The following IL1RAPL1 variants were observed in gnomAD, a reference collection of about 807,000 sequenced individuals.
The protein encoded by IL1RAPL1 is interleukin-1 receptor accessory protein-like 1.
IL1RAPL1 carries 3 observed loss-of-function variants against 48.4 expected under a neutral mutation model. The ratio of observed to expected loss-of-function variants is 0.06; its 90% CI spans 0.03 to 0.16. The LOEUF is 0.16. Ranked by LOEUF, IL1RAPL1 falls within the 10% of genes least tolerant of loss-of-function variation. The pLI is 1.00. For synonymous variants in IL1RAPL1, 185 were observed against 187.7 expected (o/e 0.99, Z 0.12); for missense variants, 349 against 530.6 (o/e 0.66, Z 3.36).
intron 1 of IL1RAPL1, among the ~76,000 whole-genome samples, chrX:28,749,631 T>C (rs1410607181): frequency 8.9e-6 from 1 of 112,051 alleles, no homozygotes; most frequent in Non-Finnish European, 1.9e-5. Flanking sequence ...GCTGTTAAGT[T>C]CTTATATATT....
At chrX:29,587,953 G>A (rs969514712) in intron 5 of IL1RAPL1, among the ~76,000 whole-genome samples, 1 of 111,984 alleles carries the variant, frequency 8.9e-6, no homozygotes, top group African/African-American at 3.2e-5. Flanking sequence ...ATTTTGTTTT[G>A]TTTTATCCAC....
chrX:29,192,852 CATG>C (rs1353182991), intron 2 of IL1RAPL1, among the ~76,000 whole-genome samples: 2 of 111,068 alleles, frequency 1.8e-5, no homozygotes, highest in African/African-American at 6.5e-5. Flanking sequence ...AACTTTTTCT[CATG>C]AGGAAAAATG....
At chrX:28,610,225 GT>G (rs1934131356) in intron 1 of IL1RAPL1, among the ~76,000 whole-genome samples, 1 of 111,871 alleles carries the variant, frequency 8.9e-6, no homozygotes, top group Admixed American at 9.5e-5. Context: ...CCATGTCTGG[GT>G]TTTTTTCCCC....
intron 6 of IL1RAPL1, among the ~76,000 whole-genome samples, chrX:29,780,830 T>C (rs1364201345): frequency 9.0e-6 from 1 of 111,617 alleles, no homozygotes; most frequent in Non-Finnish European, 1.9e-5. Flanking sequence ...CATGAGACAT[T>C]GATTTTCAGT....
intron 2 of IL1RAPL1, among the ~76,000 whole-genome samples, chrX:29,212,026 T>C (rs1930778319): frequency 1.8e-5 from 2 of 111,003 alleles, no homozygotes; most frequent in Admixed American, 1.9e-4. Flanking sequence ...CTACTCAACA[T>C]CTCTAACAGT....
At chrX:29,300,691 T>G (rs918223427) in intron 3 of IL1RAPL1, among the ~76,000 whole-genome samples, 5 of 112,205 alleles carry the variant, frequency 4.5e-5, no homozygotes, top group African/African-American at 1.3e-4. Context: ...AGAAATCTCA[T>G]GTAGATAGCT....
At chrX:28,711,842 C>T (rs1007266478) in intron 1 of IL1RAPL1, among the ~76,000 whole-genome samples, 2 of 108,752 alleles carry the variant, frequency 1.8e-5, no homozygotes, top group African/African-American at 6.7e-5. Context: ...GTGAGCAATA[C>T]AGAGAGGACT....
At chrX:29,047,119 T>C (rs1926988602) in intron 2 of IL1RAPL1, among the ~76,000 whole-genome samples, 1 of 112,223 alleles carries the variant, frequency 8.9e-6, no homozygotes, top group South Asian at 3.7e-4. Flanking sequence ...AAATAAAAAT[T>C]GGTTATGCAG....
intron 6 of IL1RAPL1, among the ~76,000 whole-genome samples, chrX:29,691,960 A>G (rs1013337445): frequency 8.9e-6 from 1 of 112,117 alleles, no homozygotes; most frequent in African/African-American, 3.2e-5. Context: ...TTTTCCCCAT[A>G]TTTGGGAATG....
At chrX:29,398,373 T>G (rs771603014) in intron 4 of IL1RAPL1, among the ~76,000 whole-genome samples, 9 of 112,370 alleles carry the variant, frequency 8.0e-5, no homozygotes, top group African/African-American at 2.6e-4. Flanking sequence ...GTTTTAAAGC[T>G]ATTTTATCCT....
intron 2 of IL1RAPL1, among the ~76,000 whole-genome samples, chrX:29,117,745 G>A (rs1928705211): frequency 9.0e-6 from 1 of 111,221 alleles, no homozygotes; most frequent in Non-Finnish European, 1.9e-5. Flanking sequence ...AATGTTAGCA[G>A]CCCTGTTTTT....
At chrX:28,658,536 CTT>C (rs763460152) in intron 1 of IL1RAPL1, among the ~76,000 whole-genome samples, 1 of 101,947 alleles carries the variant, frequency 9.8e-6, no homozygotes, top group Admixed American at 1.1e-4. Context: ...TAGTTTTTGT[CTT>C]TTTTTTTTTT....
intron 5 of IL1RAPL1, among the ~76,000 whole-genome samples, chrX:29,632,249 C>T (rs922401496): frequency 3.7e-5 from 4 of 109,071 alleles, no homozygotes; most frequent in Admixed American, 9.8e-5. Context: ...CCTGGGTTCA[C>T]GCCATTCTCC....
intron 6 of IL1RAPL1, among the ~76,000 whole-genome samples, chrX:29,883,776 A>G (rs1253818531): frequency 4.4e-5 from 5 of 112,365 alleles, no homozygotes; most frequent in Non-Finnish European, 9.4e-5. Flanking sequence ...TATGACCTGC[A>G]TCAGGCTTCA....
chrX:29,126,067 G>A (rs994435418), intron 2 of IL1RAPL1, among the ~76,000 whole-genome samples: 1 of 110,467 alleles, frequency 9.1e-6, no homozygotes, highest in East Asian at 2.8e-4. Context: ...TTAATAGAGT[G>A]CCTGACATAT....
chrX:29,214,224 G>A (rs977548342), intron 2 of IL1RAPL1, among the ~76,000 whole-genome samples: 6 of 111,221 alleles, frequency 5.4e-5, no homozygotes, highest in Admixed American at 9.6e-5. Context: ...AAGAGAGTGA[G>A]ATACTAAGAG....
intron 6 of IL1RAPL1, among the ~76,000 whole-genome samples, chrX:29,739,762 T>G: frequency 9.0e-6 from 1 of 110,816 alleles, no homozygotes; most frequent in Non-Finnish European, 1.9e-5. Flanking sequence ...TTAGTCAGTT[T>G]AGAAGTACCA....
At chrX:29,440,375 G>A in intron 5 of IL1RAPL1, among the ~76,000 whole-genome samples, 1 of 111,159 alleles carries the variant, frequency 9.0e-6, no homozygotes, top group Non-Finnish European at 1.9e-5. Context: ...ACAGTAACTG[G>A]TTGCAGTTGA....
Position 29,734,876 on chromosome X carries a change from C to T in IL1RAPL1, c.778+66372C>T, listed in dbSNP as rs188557795. ...CCCCCCAATTCCCAGGGGAAAGCACCTGTCTTGAACTTTGCACAAGGATCT... is the reference window on the plus strand; with the variant it reads ...CCCCCCAATTCCCAGGGGAAAGCACTTGTCTTGAACTTTGCACAAGGATCT... On this transcript the variant is annotated intron_variant, in intron 6 of 10. Transcript: ENST00000378993. 3.6e-5 allele frequency among the ~76,000 whole-genome samples: 4 copies of T among 111,577 alleles called. No individual in the cohort carries two copies. In the East Asian group the frequency reaches 1.1e-3, roughly 32 times the overall value.
Sources: gnomAD v4.1 joint callset for allele counts (sites outside exome capture counted in the v4.1 genomes callset) on GRCh38, gnomAD v4.1.1 for gene constraint, MANE v1.5 for transcripts, NCBI Gene and HGNC (gene_info 2026-07-23, HGNC 2026-07-21) for gene names.